HEMK2: variants seen among roughly 807,000 people sequenced by gnomAD.
HEMK2 encodes the protein methyltransferase HEMK2.
chr21:28,626,289 C>A, the HEMK2 span, among the ~76,000 whole-genome samples: 1 of 152,066 alleles, frequency 6.6e-6, no homozygotes, highest in Non-Finnish European at 1.5e-5. Context: ...TAACTAGGAA[C>A]TATGAAGTGT....
the HEMK2 span, among the ~76,000 whole-genome samples, chr21:28,841,474 A>C: frequency 8.8e-6 from 1 of 113,994 alleles, no homozygotes; most frequent in Non-Finnish European, 1.7e-5. Flanking sequence ...ATATGATGGA[A>C]TACTACATAG....
the HEMK2 span, among the ~76,000 whole-genome samples, chr21:28,653,739 T>G: frequency 1.3e-5 from 2 of 152,172 alleles, no homozygotes; most frequent in Admixed American, 6.5e-5. Flanking sequence ...AAGCACTGAT[T>G]TGTGTTTAGT....
the HEMK2 span, among the ~76,000 whole-genome samples, chr21:28,806,649 A>G: frequency 5.3e-5 from 8 of 152,186 alleles, no homozygotes; most frequent in Non-Finnish European, 1.0e-4. Flanking sequence ...AAAGACAAGA[A>G]AATAAAATTA....
chr21:28,605,331 C>T, the HEMK2 span, among the ~76,000 whole-genome samples: 1 of 152,214 alleles, frequency 6.6e-6, no homozygotes, highest in South Asian at 2.1e-4. Context: ...GTAGTGGTTT[C>T]GTTCTGAAGA....
the HEMK2 span, among the ~76,000 whole-genome samples, chr21:28,758,398 A>T: frequency 6.6e-6 from 1 of 152,182 alleles, no homozygotes; most frequent in African/African-American, 2.4e-5. Context: ...GATCATAGCA[A>T]AGGAGTAAAA....
the HEMK2 span, among the ~76,000 whole-genome samples, chr21:28,668,887 T>C: frequency 7.9e-5 from 12 of 152,206 alleles, no homozygotes; most frequent in African/African-American, 2.9e-4. Flanking sequence ...AGGATCTGTA[T>C]TGTTACCAAT....
chr21:28,831,318 C>T, the HEMK2 span, among the ~76,000 whole-genome samples: 11,097 of 150,428 alleles, frequency 0.074, 942 homozygotes, highest in African/African-American at 0.19. Context: ...TGGTAGCGGG[C>T]GCCTGTAATC....
At chr21:28,883,074 G>A in the HEMK2 span, 1 of 1,560,826 alleles carries the variant, frequency 6.4e-7, no homozygotes, top group Non-Finnish European at 8.7e-7. Context: ...TTTCCACTCT[G>A]AAAAAAAAAT....
the HEMK2 span, among the ~76,000 whole-genome samples, chr21:28,680,611 T>C: frequency 1.8e-4 from 27 of 152,294 alleles, no homozygotes; most frequent in African/African-American, 6.5e-4. Flanking sequence ...AAGAGAATTT[T>C]AGACCAATAT....
At chr21:28,792,992 T>C in the HEMK2 span, among the ~76,000 whole-genome samples, 3 of 152,210 alleles carry the variant, frequency 2.0e-5, no homozygotes, top group East Asian at 3.8e-4. Context: ...CTTGGATTTA[T>C]AATTACCACC....
the HEMK2 span, among the ~76,000 whole-genome samples, chr21:28,651,671 T>C: frequency 6.6e-6 from 1 of 152,230 alleles, no homozygotes; most frequent in South Asian, 2.1e-4. Context: ...GGTCAGACCA[T>C]CTTCTTTCAA....
At chr21:28,657,354 GTT>G in the HEMK2 span, among the ~76,000 whole-genome samples, 2 of 152,018 alleles carry the variant, frequency 1.3e-5, no homozygotes, top group African/African-American at 4.8e-5. Context: ...AAAATTTACT[GTT>G]TATCCAAAAG....
At chr21:28,753,816 G>A in the HEMK2 span, among the ~76,000 whole-genome samples, 2 of 152,184 alleles carry the variant, frequency 1.3e-5, no homozygotes, top group South Asian at 4.1e-4. Flanking sequence ...ATAGAGATTT[G>A]GTCCTTTCAA....
the HEMK2 span, among the ~76,000 whole-genome samples, chr21:28,869,317 C>G: frequency 1.3e-5 from 2 of 152,148 alleles, no homozygotes; most frequent in South Asian, 4.1e-4. Context: ...ATAAACTCAA[C>G]TTGGTCACAG....
the HEMK2 span, among the ~76,000 whole-genome samples, chr21:28,713,552 GA>G: frequency 6.6e-6 from 1 of 152,036 alleles, no homozygotes; most frequent in South Asian, 2.1e-4. Flanking sequence ...CTCTTGCTAG[GA>G]TGCTCTTTCC....
At chr21:28,740,479 C>A in the HEMK2 span, among the ~76,000 whole-genome samples, 1 of 152,174 alleles carries the variant, frequency 6.6e-6, no homozygotes, top group Non-Finnish European at 1.5e-5. Flanking sequence ...TCATAGCTTC[C>A]ATATGGGCAA....
the HEMK2 span, among the ~76,000 whole-genome samples, chr21:28,781,241 T>A: frequency 5.9e-5 from 9 of 152,214 alleles, no homozygotes; most frequent in Non-Finnish European, 4.4e-5. Flanking sequence ...GAATTACCTA[T>A]CAACTCAAAG....
the HEMK2 span, among the ~76,000 whole-genome samples, chr21:28,640,383 C>T: frequency 1.3e-5 from 2 of 152,108 alleles, no homozygotes; most frequent in African/African-American, 2.4e-5. Context: ...AGCTCTTGTG[C>T]GAGGGCACAG....
At chr21:28,797,383 C>G in the HEMK2 span, among the ~76,000 whole-genome samples, 2 of 151,770 alleles carry the variant, frequency 1.3e-5, no homozygotes, top group African/African-American at 2.4e-5. Context: ...ATTGCTTGAG[C>G]CCAGAAGATG....
Sources: gnomAD v4.1 joint callset for allele counts (sites outside exome capture counted in the v4.1 genomes callset) on GRCh38, gnomAD v4.1.1 for gene constraint, MANE v1.5 for transcripts, NCBI Gene and HGNC (gene_info 2026-07-23, HGNC 2026-07-21) for gene names.